FAM217A: variants seen among roughly 807,000 people sequenced by gnomAD.
FAM217A encodes the protein family with sequence similarity 217 member A.
A neutral mutation model predicts 18.5 loss-of-function variants in FAM217A; 13 were observed. The ratio of observed to expected loss-of-function variants is 0.70; its 90% CI spans 0.46 to 1.12. FAM217A has a LOEUF of 1.12. Ranked by LOEUF, FAM217A falls within the 50% of genes most tolerant of loss-of-function variation. FAM217A has a pLI of 0.00. For missense variants in FAM217A, 560 were observed against 575.4 expected, an observed-to-expected ratio of 0.97 and a Z score of 0.27; for synonymous variants, 161 against 202.8, an observed-to-expected ratio of 0.79 and a Z score of 1.75.
In FAM217A at chr6:4,069,143, A is replaced by T; in HGVS notation, c.1080T>A (p.Cys360Ter). 1 of 1,614,182 alleles carries T rather than the reference A, an allele frequency of 6.2e-7. No individual in the cohort carries two copies. Among genetic ancestry groups the T allele is most frequent in the Non-Finnish European group, 8.5e-7 (1 of 1,180,020 alleles). ...QEKSKNNSGS[C>*]KLEQNALKRN... ...GTTTTAAAGCATTTTGTTCAAGCTT[A>T]CAAGAACCAGAGTTGTTTTTACTTT... The change falls in exon 7 of 7, where the codon TGT (cysteine) becomes TGA (stop). Residue 360 changes from cysteine (C) to a stop codon, truncating the protein, a stop_gained. Transcript: ENST00000274673. LOFTEE classifies it low-confidence loss of function (END_TRUNC).
chr6:4,082,962 G>A (rs1226309032), upstream of FAM217A, among the ~76,000 whole-genome samples: 3 of 152,194 alleles, frequency 2.0e-5, no homozygotes, highest in Non-Finnish European at 4.4e-5. Context: ...CAAATCTTCA[G>A]AGGGCCAAAC....
At chr6:4,081,121 C>T (rs960241516), upstream of FAM217A, among the ~76,000 whole-genome samples, 1 of 152,130 alleles carries the variant, frequency 6.6e-6, no homozygotes, top group South Asian at 2.1e-4. Context: ...AGGTAAGGCA[C>T]TCAATAAATG....
chr6:4,079,020 G>A lies in FAM217A; in HGVS notation c.-203C>T. The A allele has an allele frequency of 4.4e-6, 2 of 450,502 alleles. No individual in the cohort carries two copies. Among genetic ancestry groups the A allele is most frequent in the Non-Finnish European group, 7.9e-6 (2 of 254,386 alleles). The allele number at this position is 450,502 out of a possible 1,614,324, so 27.9% of individuals were successfully genotyped here. The stretch of plus-strand genomic sequence containing the variant: ...CGGGCGGCTGGCGGCCTTGAGCGCA[G>A]CCCGGTCGGCAGTGCAGGGCCTGCG... On this transcript the variant is annotated 5_prime_UTR_variant, in exon 1 of 7. Transcript: ENST00000274673.
In FAM217A at chr6:4,068,538, C is replaced by A; in HGVS notation, c.*158G>T. 2 of 688,794 alleles carry A rather than the reference C, an allele frequency of 2.9e-6. No homozygotes were observed. The highest frequency in any genetic ancestry group is 4.7e-6 in the Non-Finnish European group (2 of 427,444). The allele number at this position is 688,794 out of a possible 1,614,324, so 42.7% of individuals were successfully genotyped here. On this transcript the variant is annotated 3_prime_UTR_variant, in exon 7 of 7. Transcript: ENST00000274673. The stretch of plus-strand genomic sequence containing the variant: ...GTGGGTTTATATATAGACATCTCAG[C>A]AGTGCTTTTCACAAGTTCTACTCCA...
rs1401144033 is a variant in FAM217A at position 4,074,469 on chromosome 6, T to C, written c.146-13A>G. 1.9e-6 allele frequency: 3 copies of C among 1,587,216 alleles called. No homozygotes were observed. Among genetic ancestry groups the C allele is most frequent in the Non-Finnish European group, 2.6e-6 (3 of 1,157,532 alleles). On this transcript the variant is annotated splice_polypyrimidine_tract_variant and intron_variant, in intron 3 of 6. Coordinates refer to ENST00000274673, the MANE Select transcript of FAM217A (RefSeq NM_173563.3). ...TTGTTAATTTTGCCTGAAATGTGTATAAAAAATGACAATTAATAGTTACAT... is the reference window on the plus strand; with the variant it reads ...TTGTTAATTTTGCCTGAAATGTGTACAAAAAATGACAATTAATAGTTACAT...
chr6:4,077,031 T>TA (rs1417719865), intron 2 of FAM217A, among the ~76,000 whole-genome samples: 1 of 152,208 alleles, frequency 6.6e-6, no homozygotes, highest in African/African-American at 2.4e-5. Context: ...CCACCTGCCT[T>TA]ACCAATATTT....
chr6:4,086,629 C>T (rs1183314478), intron 1 of FAM217A, among the ~76,000 whole-genome samples: 1 of 152,158 alleles, frequency 6.6e-6, no homozygotes, highest in African/African-American at 2.4e-5. Flanking sequence ...TTTGCCATAG[C>T]ATACTAGGCT....
chr6:4,085,753 T>G (rs1295040457), intron 1 of FAM217A, among the ~76,000 whole-genome samples: 2 of 152,184 alleles, frequency 1.3e-5, no homozygotes, highest in East Asian at 3.8e-4. Flanking sequence ...ATTTTAAATA[T>G]GTACTTGCAT....
chr6:4,071,009 G>A (rs561841552), intron 6 of FAM217A, among the ~76,000 whole-genome samples: 155 of 151,658 alleles, frequency 1.0e-3, no homozygotes, highest in African/African-American at 3.2e-3. Flanking sequence ...AAAAAAAAGA[G>A]AAAAAGAAAA....
chr6:4,069,938 A>G lies in FAM217A; in HGVS notation c.303-18T>C, dbSNP rs1055433687. The G allele has an allele frequency of 2.0e-6, 3 of 1,475,884 alleles. No homozygotes were observed. Among genetic ancestry groups the G allele is most frequent in the African/African-American group, 1.4e-5 (1 of 70,152 alleles). The allele number at this position is 1,475,884 out of a possible 1,614,324, so 91.4% of individuals were successfully genotyped here. ...TGAATTCCCTTTAAAAAATAATTTA[A>G]TTAATGAATGGTTTATTGACTAGAA... On this transcript the variant is annotated intron_variant, in intron 6 of 6. Transcript: ENST00000274673.
chr6:4,081,625 T>G (rs1438402911), upstream of FAM217A, among the ~76,000 whole-genome samples: 3 of 152,368 alleles, frequency 2.0e-5, no homozygotes, highest in Non-Finnish European at 4.4e-5. Context: ...TTATTCCTAT[T>G]TTATAATTGA....
In FAM217A at chr6:4,079,071, G is replaced by A. The variant is rs1770075590; in HGVS notation, c.-254C>T. ...AAGCCCGCGGGCCGGCGCAGGGGTG[G>A]GAGTCGGGCCCGGGGCCCAGAGAGA... On this transcript the variant is annotated 5_prime_UTR_variant, in exon 1 of 7. Transcript: ENST00000274673. 2.8e-6 allele frequency: 1 copy of A among 363,466 alleles called. No individual in the cohort carries two copies. The highest frequency in any genetic ancestry group is 2.1e-5 in the African/African-American group (1 of 46,654). The allele number at this position is 363,466 out of a possible 1,614,324, so 22.5% of individuals were successfully genotyped here.
intron 1 of FAM217A, among the ~76,000 whole-genome samples, chr6:4,085,117 T>C (rs999130903): frequency 7.9e-5 from 12 of 152,126 alleles, no homozygotes; most frequent in Admixed American, 2.0e-4. Context: ...ATTTGTTCCA[T>C]CCAAGAATAT....
At chr6:4,079,584 G>T (rs1277711924), upstream of FAM217A, 3 of 1,286,918 alleles carry the variant, frequency 2.3e-6, no homozygotes, top group Non-Finnish European at 3.0e-6. Context: ...AGCTCTCCGC[G>T]ACATGGCCAG....
chr6:4,074,407 T>A, intron 4 of FAM217A, 36 bp downstream of exon 4: 4 of 1,532,728 alleles, frequency 2.6e-6, no homozygotes, highest in Non-Finnish European at 3.5e-6. Context: ...AATCGTATGT[T>A]TTATGAATAC....
chr6:4,074,332 C>A, intron 4 of FAM217A, 111 bp downstream of exon 4: 1 of 856,136 alleles, frequency 1.2e-6, no homozygotes, highest in Non-Finnish European at 1.8e-6. Context: ...AAGAACTCTA[C>A]AGAAATGAAA....
Position 4,069,294 on chromosome 6 carries a change from G to A in FAM217A, c.929C>T (p.Thr310Met), listed in dbSNP as rs569013413. The A allele has an allele frequency of 2.0e-5, 32 of 1,614,036 alleles. No homozygotes were observed. The African/African-American group carries it at 3.5e-4, about 18-fold the overall frequency. ...AGTAACTGCTGGAGTACAGAAAGTCGTTTGTAGTCTTGGCCTCTCTTTTTG... is the reference window on the plus strand; with the variant it reads ...AGTAACTGCTGGAGTACAGAAAGTCATTTGTAGTCTTGGCCTCTCTTTTTG... Reference protein sequence around the residue: ...TIQKERPRLQTTFCTPAVTER... With the variant: ...TIQKERPRLQMTFCTPAVTER... Residue 310 changes from threonine to methionine, a missense_variant, in exon 7 of 7, where the codon ACG (threonine) becomes ATG (methionine). Thr to Met is a moderately conservative substitution (Grantham distance 81, BLOSUM62 -1). Transcript: ENST00000274673.
intron 2 of FAM217A, 147 bp from the exon 3 acceptor site, chr6:4,074,808 T>C: frequency 1.6e-6 from 1 of 608,616 alleles, no homozygotes; most frequent in Non-Finnish European, 2.9e-6. Context: ...ATCAGCATCT[T>C]TGAGGAGAAA....
At chr6:4,080,524 G>A (rs1770217650), upstream of FAM217A, among the ~76,000 whole-genome samples, 1 of 152,082 alleles carries the variant, frequency 6.6e-6, no homozygotes, top group Non-Finnish European at 1.5e-5. Context: ...AACAAGATTT[G>A]TGCAGGCCTC....
Sources: allele counts gnomAD v4.1 joint callset (sites outside exome capture counted in the v4.1 genomes callset), GRCh38; gene constraint gnomAD v4.1.1; transcripts MANE v1.5; gene names NCBI Gene and HGNC (gene_info 2026-07-23, HGNC 2026-07-21).